The following CDH23 variants were observed in gnomAD, a reference collection of about 807,000 sequenced individuals.
CDH23 encodes cadherin-23.
A neutral mutation model predicts 317.1 loss-of-function variants in CDH23; 189 were observed. The ratio of observed to expected loss-of-function variants is 0.60; its 90% confidence interval spans 0.53 to 0.67. The LOEUF is 0.67. Among genes scored for constraint, CDH23 ranks in the 30% least tolerant of loss-of-function variants. The pLI, the probability that CDH23 is intolerant of heterozygous loss-of-function variation, is 0.00. For missense variants in CDH23, 4,401 were observed against 4,592.4 expected (o/e 0.96, Z 1.20); for synonymous variants, 1,839 against 1,876.8 (o/e 0.98, Z 0.52).
At chr10:71,463,740 G>T (rs192508582) in intron 3 of CDH23, among the ~76,000 whole-genome samples, 1 of 152,342 alleles carries the variant, frequency 6.6e-6, no homozygotes, top group Admixed American at 6.5e-5. Flanking sequence ...ACATCTTCAT[G>T]GTAGAACTTC....
chr10:71,677,391 G>T lies in CDH23; in HGVS notation c.1515-65G>T, dbSNP rs558114235. ...GGCAAGGACAGGCTGGGAAATGCCG[G>T]CCCCATCAACAAGCCTGTTTTAAAC... On this transcript the variant is annotated intron_variant, in intron 15 of 69. Coordinates refer to ENST00000224721, the MANE Select transcript of CDH23 (RefSeq NM_022124.6). The T allele has an allele frequency of 2.3e-6, 3 of 1,309,756 alleles. No homozygotes were observed. In the African/African-American group the frequency reaches 4.4e-5, roughly 19 times the overall value. 81.1% of individuals were successfully genotyped at this position (1,309,756 alleles called of 1,614,324 possible).
chr10:71,602,444 A>G (rs1860284924), intron 9 of CDH23, among the ~76,000 whole-genome samples: 1 of 152,178 alleles, frequency 6.6e-6, no homozygotes, highest in Non-Finnish European at 1.5e-5. Flanking sequence ...CATAGCTAGA[A>G]GTAGTGGAGC....
intron 3 of CDH23, among the ~76,000 whole-genome samples, chr10:71,459,792 C>T (rs1850888544): frequency 6.6e-6 from 1 of 152,198 alleles, no homozygotes; most frequent in African/African-American, 2.4e-5. Flanking sequence ...CTGTTACTAC[C>T]CCTGGCCAGC....
rs531739728 is a variant in CDH23 at position 71,750,806 on chromosome 10, G to A, written c.4845+8885G>A. 7.1e-4 allele frequency: 112 copies of A among 157,586 alleles called. 3 individuals are homozygous for A. Among genetic ancestry groups the A allele is most frequent in the Admixed American group, 6.4e-3 (99 of 15,446 alleles). The allele number at this position is 157,586 out of a possible 1,614,324, so 9.8% of individuals were successfully genotyped here. On this transcript the variant is annotated intron_variant, in intron 38 of 69. Transcript: ENST00000224721. The stretch of plus-strand genomic sequence containing the variant: ...ACAGAAGAGCAGCCTCGGGCAAAAC[G>A]GGGGAGCCAAGGCGGCCACGGGGGA...
At chr10:71,578,726 A>G (rs1197402195) in intron 9 of CDH23, among the ~76,000 whole-genome samples, 1 of 150,576 alleles carries the variant, frequency 6.6e-6, no homozygotes, top group Admixed American at 6.6e-5. Context: ...CCACCCCCCC[A>G]TACATGCCAT....
chr10:71,682,100 C>A (rs558446277), intron 17 of CDH23, among the ~76,000 whole-genome samples: 1 of 152,290 alleles, frequency 6.6e-6, no homozygotes, highest in Non-Finnish European at 1.5e-5. Flanking sequence ...TAAGAAAGAG[C>A]CTGGGTTCTG....
chr10:71,712,986 C>G, intron 28 of CDH23, 173 bp downstream of exon 28: 1 of 815,528 alleles, frequency 1.2e-6, no homozygotes, highest in South Asian at 1.5e-5. Context: ...CCTCTCCCAT[C>G]CCAGGGAGTG....
In CDH23 at chr10:71,815,008, C is replaced by G; in HGVS notation, c.9795C>G (p.Ser3265Arg). The change falls in exon 70 of 70, where the codon AGC (serine) becomes AGG (arginine). Residue 3265 changes from serine to arginine, a missense_variant. Physicochemically the swap from Ser to Arg is moderately radical, Grantham distance 110. Coordinates refer to ENST00000224721, the MANE Select transcript of CDH23 (RefSeq NM_022124.6). ...EPGDHSPGQG[S>R]LRFRHKPPVE... is the part of the protein sequence containing the mutation. ...GAGACCACAGCCCAGGGCAGGGTAG[C>G]CTGCGCTTCCGCCACAAGCCACCAG... The G allele has an allele frequency of 1.2e-6, 2 of 1,612,348 alleles. No individual in the cohort carries two copies. Among genetic ancestry groups the G allele is most frequent in the Non-Finnish European group, 1.7e-6 (2 of 1,179,726 alleles).
chr10:71,569,405 G>T (rs1402751481), intron 7 of CDH23, among the ~76,000 whole-genome samples: 2 of 152,214 alleles, frequency 1.3e-5, no homozygotes, highest in Admixed American at 1.3e-4. Flanking sequence ...CTAAGGGAGA[G>T]CTAACCTGGG....
chr10:71,540,320 A>C (rs1855918430), intron 6 of CDH23, among the ~76,000 whole-genome samples: 1 of 151,988 alleles, frequency 6.6e-6, no homozygotes, highest in South Asian at 2.1e-4. Flanking sequence ...TCACTAGGCA[A>C]TTTCAGCTTG....
chr10:71,729,826 T>C (rs2132817375), intron 30 of CDH23, among the ~76,000 whole-genome samples: 1 of 152,192 alleles, frequency 6.6e-6, no homozygotes, highest in South Asian at 2.1e-4. Flanking sequence ...GTGTGAACTA[T>C]TTTATTATTA....
intron 9 of CDH23, among the ~76,000 whole-genome samples, chr10:71,609,238 C>G (rs910212426): frequency 3.3e-5 from 5 of 151,872 alleles, no homozygotes; most frequent in Non-Finnish European, 7.4e-5. Context: ...AACTGCCCCG[C>G]CCCAACATCA....
At chr10:71,547,906 G>A (rs1443805379) in intron 6 of CDH23, among the ~76,000 whole-genome samples, 1 of 152,222 alleles carries the variant, frequency 6.6e-6, no homozygotes, top group Non-Finnish European at 1.5e-5. Flanking sequence ...AACTGCTGTG[G>A]CCAGGGCTAA....
intron 14 of CDH23, among the ~76,000 whole-genome samples, chr10:71,665,933 C>T (rs564740779): frequency 1.3e-5 from 2 of 152,336 alleles, no homozygotes; most frequent in South Asian, 4.1e-4. Flanking sequence ...ACAAGTTCCA[C>T]CTGCAACTGG....
At chr10:71,564,055 A>G (rs180779171) in intron 6 of CDH23, among the ~76,000 whole-genome samples, 6 of 152,300 alleles carry the variant, frequency 3.9e-5, no homozygotes, top group East Asian at 1.9e-4. Context: ...TATGTCTGCA[A>G]TCTCCCAGGG....
intron 1 of CDH23, among the ~76,000 whole-genome samples, chr10:71,407,443 T>A (rs1375013448): frequency 1.3e-5 from 2 of 151,878 alleles, no homozygotes; most frequent in Non-Finnish European, 2.9e-5. Flanking sequence ...TCCATGGGAG[T>A]GAATGAGGTG....
rs765697060 is a variant in CDH23 at position 71,807,524 on chromosome 10, G to A, written c.8317G>A (p.Glu2773Lys). 6.2e-6 allele frequency: 10 copies of A among 1,613,676 alleles called. No homozygotes were observed. The highest frequency in any genetic ancestry group is 1.7e-5 in the Admixed American group (1 of 60,012). ...CATGATCCCACCCTCAGCCGGCAAC[G>A]AAGAGAAGAACTTCCATCTGCAGCC... ...IVYYFIAAGNEEKNFHLQPDG... is the reference protein window; with the variant it reads ...IVYYFIAAGNKEKNFHLQPDG... The change falls in exon 59 of 70, where the codon GAA becomes AAA. Residue 2773 changes from glutamate to lysine, a missense_variant. Physicochemically the swap from Glu to Lys is moderately conservative, Grantham distance 56. Transcript: ENST00000224721.
chr10:71,729,438 A>G (rs10823836), intron 30 of CDH23, among the ~76,000 whole-genome samples: 57,715 of 152,132 alleles, frequency 0.38, 11,559 homozygotes, highest in Non-Finnish European at 0.44. Flanking sequence ...GCGTCCCCTC[A>G]CTGCCCCAAA....
chr10:71,556,887 G>A (rs562777433), intron 6 of CDH23, among the ~76,000 whole-genome samples: 83 of 152,220 alleles, frequency 5.5e-4, no homozygotes, highest in African/African-American at 1.7e-3. Context: ...CACCTATGAA[G>A]GATGAGAATT....
Sources: allele counts gnomAD v4.1 joint callset (sites outside exome capture counted in the v4.1 genomes callset), GRCh38; gene constraint gnomAD v4.1.1; transcripts MANE v1.5; gene names NCBI Gene and HGNC (gene_info 2026-07-23, HGNC 2026-07-21).